FERMT3: variants seen among roughly 807,000 people sequenced by gnomAD.
FERMT3 encodes FERM domain containing kindlin 3, also known as fermitin family homolog 3.
A neutral mutation model predicts 80.8 loss-of-function variants in FERMT3; 33 were observed. The ratio of observed to expected loss-of-function variants is 0.41; its 90% confidence interval spans 0.31 to 0.55. The LOEUF is 0.55. Ranked by LOEUF, FERMT3 falls within the 20% of genes least tolerant of loss-of-function variation. The pLI is 0.31. For missense variants in FERMT3, 754 were observed against 908.7 expected (o/e 0.83, Z 2.19); for synonymous variants, 375 against 372.2 (o/e 1.01, Z -0.09).
chr11:64,209,129 C>T (rs1240331165), intron 2 of FERMT3, among the ~76,000 whole-genome samples: 1 of 151,972 alleles, frequency 6.6e-6, no homozygotes, highest in Non-Finnish European at 1.5e-5. Context: ...CCGTGTCCCC[C>T]AGCCCTGAGA....
intron 6 of FERMT3, among the ~76,000 whole-genome samples, chr11:64,216,124 G>A (rs902811759): frequency 7.9e-5 from 12 of 151,180 alleles, no homozygotes; most frequent in African/African-American, 1.2e-4. Context: ...GAGCCACTGC[G>A]CCCAGTTACA....
chr11:64,217,772 A>G (rs1946582468), intron 6 of FERMT3, among the ~76,000 whole-genome samples: 1 of 152,006 alleles, frequency 6.6e-6, no homozygotes, highest in Non-Finnish European at 1.5e-5. Context: ...TCACCCTCGC[A>G]TCTCATCCAG....
chr11:64,223,501 T>G lies in FERMT3; in HGVS notation c.*9T>G, dbSNP rs113412789. The G allele has an allele frequency of 6.3e-7, 1 of 1,591,752 alleles. No individual in the cohort carries two copies. The highest frequency in any genetic ancestry group is 2.2e-5 in the East Asian group (1 of 44,572). ...GCCATGAGGCCTTCTGAGGGCTGTC[T>G]GATTGCCCCTGCCCTGCTCACCACC... is the stretch of plus-strand genomic sequence containing the variant. On this transcript the variant is annotated 3_prime_UTR_variant, in exon 15 of 15. Coordinates refer to ENST00000345728, the MANE Select transcript of FERMT3 (RefSeq NM_031471.6).
intron 6 of FERMT3, among the ~76,000 whole-genome samples, chr11:64,215,485 C>T (rs1026867349): frequency 2.6e-5 from 4 of 152,194 alleles, no homozygotes; most frequent in Admixed American, 2.0e-4. Context: ...TATTTTCCCC[C>T]TCTGTGCTTT....
rs59250939 is a variant in FERMT3, at chr11:64,219,520, C to T, written c.895-4C>T. ...CAGCCCTCCCTGGCTTCATGACCAC[C>T]TAGTACCACATCAACAAGCTGTCCC... On this transcript the variant is annotated splice_polypyrimidine_tract_variant and splice_region_variant and intron_variant, in intron 7 of 14. Transcript: ENST00000345728. The surrounding 1 kb of genome is among the most constrained non-coding windows in gnomAD (Gnocchi z 4.0). The T allele has an allele frequency of 0.069, 110,170 of 1,601,352 alleles. 4,417 individuals are homozygous for T. Among genetic ancestry groups the T allele is most frequent in the Admixed American group, 0.14 (8,149 of 57,480 alleles).
At position 64,207,420 on chromosome 11, in the gene FERMT3, G is replaced by A. The variant is rs150500299; in HGVS notation, c.56G>A (p.Arg19Gln). ...TACATCGACTCGTCATGGGAGCTGC[G>A]GGTGTTTGTGGGAGAGGAGGACCCA... ...GDYIDSSWEL[R>Q]VFVGEEDPEA... is the part of the protein sequence containing the mutation. Residue 19 changes from arginine to glutamine, a missense_variant, in exon 2 of 15, where the codon CGG becomes CAG. Arg to Gln is a conservative substitution (Grantham distance 43, BLOSUM62 1). Transcript: ENST00000345728. The A allele has an allele frequency of 8.0e-5, 129 of 1,614,188 alleles. No individual in the cohort carries two copies. The African/African-American group carries it at 1.0e-3, about 13-fold the overall frequency.
chr11:64,206,485 G>A (rs1249580357), upstream of FERMT3, among the ~76,000 whole-genome samples: 1 of 152,252 alleles, frequency 6.6e-6, no homozygotes, highest in African/African-American at 2.4e-5. Context: ...ACAGCCGGGG[G>A]ACTTGTTGAG....
At chr11:64,206,939 G>A (rs1383120037) in intron 1 of FERMT3, 125 bp downstream of exon 1, 1 of 166,704 alleles carries the variant, frequency 6.0e-6, no homozygotes, top group Non-Finnish European at 1.3e-5. Flanking sequence ...GCTTTGGCTG[G>A]TTTGTGATGT....
In FERMT3 at chr11:64,221,035, A is replaced by T. The variant is rs1159209637; in HGVS notation, c.1565A>T (p.Glu522Val). 6.2e-7 allele frequency: 1 copy of T among 1,612,774 alleles called. No homozygotes were observed. The highest frequency in any genetic ancestry group is 8.5e-7 in the Non-Finnish European group (1 of 1,179,996). The change falls in exon 13 of 15, where the codon GAA becomes GTA. Residue 522 changes from glutamate to valine, a missense_variant. By Grantham distance (121) the Glu-to-Val change is moderately radical (BLOSUM62 -2). Transcript: ENST00000345728. ...KAKQLTPRILEAHQNVAQLSL... is the reference protein window; with the variant it reads ...KAKQLTPRILVAHQNVAQLSL... ...CCGCAGCTCACCCCACGGATCCTGG[A>T]AGCCCACCAGAATGTGGCCCAGTTG...
At position 64,219,757 on chromosome 11, in the gene FERMT3, C is replaced by A. The variant is rs779076021; in HGVS notation, c.1047C>A (p.Ile349=). 2.9e-5 allele frequency: 46 copies of A among 1,613,988 alleles called. 1 individual carries two copies. The East Asian group carries it at 6.2e-4, about 22-fold the overall frequency. ...TCCCATAGGACAGCCTCACCACCAT[C>A]CCAGAGCTCAAGGACCATCTCCGAA... The part of the protein sequence containing the change: ...PTDVLDSLTT[I]PELKDHLRIF... The change falls in exon 9 of 15, where the codon ATC becomes ATA. Residue 349 remains isoleucine (I), a synonymous_variant. Coordinates refer to ENST00000345728, the MANE Select transcript of FERMT3 (RefSeq NM_031471.6). This position sits in a 1 kb window ranked among gnomAD's most constrained non-coding sequence, Gnocchi z 4.0.
Position 64,220,296 on chromosome 11 carries a change from C to A in FERMT3, c.1281C>A (p.Gly427=). 6.2e-7 allele frequency: 1 copy of A among 1,613,902 alleles called. No individual in the cohort carries two copies. The highest frequency in any genetic ancestry group is 8.5e-7 in the Non-Finnish European group (1 of 1,179,974). Residue 427 remains glycine (G), a synonymous_variant, in exon 11 of 15, where the codon GGC becomes GGA. Transcript: ENST00000345728. ...AACTCCTAGTGCCCTCCCCTGAGGGCATGAGTGAGATCTACCTGCGGTGCC... is the reference window on the plus strand; with the variant it reads ...AACTCCTAGTGCCCTCCCCTGAGGGAATGAGTGAGATCTACCTGCGGTGCC... ...CIKLLVPSPE[G]MSEIYLRCQD...
chr11:64,211,107 G>C lies in FERMT3; in HGVS notation c.450G>C (p.Lys150Asn), dbSNP rs12794742. Residue 150 changes from lysine (K) to asparagine (N), a missense_variant, in exon 4 of 15, where the codon AAG becomes AAC. Transcript: ENST00000345728. The surrounding 1 kb of genome is among the most constrained non-coding windows in gnomAD (Gnocchi z 4.7). ...SLLRAPEKKE[K>N]KKKEKEPEEE... ...TCCGGGCTCCTGAGAAGAAGGAGAA[G>C]AAGAAGAAAGAGAAGGAGCCAGAGG... 3 of 1,561,356 alleles carry C rather than the reference G, an allele frequency of 1.9e-6. No homozygotes were observed. Among genetic ancestry groups the C allele is most frequent in the Non-Finnish European group, 2.6e-6 (3 of 1,153,372 alleles).
rs756580167 is a variant in FERMT3, at chr11:64,211,599, G to A, written c.684-46G>A. On this transcript the variant is annotated intron_variant, in intron 5 of 14. Coordinates refer to ENST00000345728, the MANE Select transcript of FERMT3 (RefSeq NM_031471.6). The surrounding 1 kb of genome is among the most constrained non-coding windows in gnomAD (Gnocchi z 4.7). ...AGCCCAGCCCCCCTCCCCACCCCAC[G>A]GCCGTACCTGGCGCAGCCCTGACTG... The A allele has an allele frequency of 6.5e-6, 10 of 1,542,888 alleles. No individual in the cohort carries two copies. The highest frequency in any genetic ancestry group is 4.5e-5 in the South Asian group (4 of 88,600).
Position 64,220,569 on chromosome 11 carries a change from G to A in FERMT3, c.1445G>A (p.Gly482Asp), listed in dbSNP as rs773457746. 26 of 1,607,884 alleles carry A rather than the reference G, an allele frequency of 1.6e-5. No homozygotes were observed. The East Asian group carries it at 3.8e-4, about 24-fold the overall frequency. The change falls in exon 12 of 15, where the codon GGC becomes GAC. Residue 482 changes from glycine (G) to aspartate (D), a missense_variant. By Grantham distance (94) the Gly-to-Asp change is moderately conservative. Transcript: ENST00000345728. ...FLSLQRTGSG[G>D]PGNHPHGPDA... ...AGCCTGCAGCGCACGGGCAGTGGGG[G>A]CCCGGGCAACCACCCCCACGGCCCT...
At chr11:64,222,973 C>G in intron 13 of FERMT3, 75 bp from the exon 14 acceptor site, 1 of 1,593,468 alleles carries the variant, frequency 6.3e-7, no homozygotes. Context: ...CTCTCCAGCA[C>G]GGCGCCACAT....
rs779540166 is a variant in FERMT3 at position 64,210,711 on chromosome 11, C to T, written c.261C>T (p.Ala87=). The T allele has an allele frequency of 1.1e-5, 18 of 1,614,048 alleles. No individual in the cohort carries two copies. Among genetic ancestry groups the T allele is most frequent in the South Asian group, 9.9e-5 (9 of 91,094 alleles). The part of the protein sequence containing the change: ...HWTLDKYGIL[A]DARLFFGPQH... Reference sequence around the variant, plus strand: ...CACTGGACAAGTACGGGATCCTGGCCGACGCACGCCTCTTCTTTGGGCCCC... The same window carrying T: ...CACTGGACAAGTACGGGATCCTGGCTGACGCACGCCTCTTCTTTGGGCCCC... Residue 87 remains alanine, a synonymous_variant, in exon 3 of 15, where the codon GCC becomes GCT. Transcript: ENST00000345728. This position sits in a 1 kb window ranked among gnomAD's most constrained non-coding sequence, Gnocchi z 4.3.
At chr11:64,206,439 C>T (rs1268102496), upstream of FERMT3, among the ~76,000 whole-genome samples, 1 of 152,240 alleles carries the variant, frequency 6.6e-6, no homozygotes, top group South Asian at 2.1e-4. Context: ...GGATGGCAGA[C>T]ACTTCCCACA....
intron 2 of FERMT3, among the ~76,000 whole-genome samples, chr11:64,208,779 G>A (rs1284573984): frequency 6.6e-6 from 1 of 152,184 alleles, no homozygotes; most frequent in African/African-American, 2.4e-5. Context: ...CTCGGCTGGT[G>A]AGGATGCTGG....
intron 6 of FERMT3, among the ~76,000 whole-genome samples, chr11:64,217,746 G>A (rs1396012810): frequency 6.6e-6 from 1 of 152,112 alleles, no homozygotes; most frequent in African/African-American, 2.4e-5. Flanking sequence ...ACTTTATCCA[G>A]AGTCCTCTCT....
Sources: gnomAD v4.1 joint callset for allele counts (sites outside exome capture counted in the v4.1 genomes callset) on GRCh38, gnomAD v4.1.1 for gene constraint, Gnocchi (gnomAD v3.1) non-coding constraint, MANE v1.5 for transcripts, NCBI Gene and HGNC (gene_info 2026-07-23, HGNC 2026-07-21) for gene names.